STK32A: variants seen among roughly 807,000 people sequenced by gnomAD.
STK32A encodes serine/threonine kinase 32A, also known as serine/threonine-protein kinase 32A.
STK32A carries 41 observed loss-of-function variants against 53.2 expected under a neutral mutation model. The ratio of observed to expected loss-of-function variants is 0.77; its 90% CI spans 0.60 to 1.00. STK32A has a LOEUF of 1.00. STK32A is among the 50% of genes least tolerant of loss of function. The probability of loss-of-function intolerance (pLI) is 0.00; values close to 1 mark genes in which losing one functional copy is unlikely to be tolerated. For missense variants in STK32A, 458 were observed against 485.8 expected (o/e 0.94, Z 0.54); for synonymous variants, 166 against 162.8 (o/e 1.02, Z -0.15).
chr5:147,296,008 A>G (rs948911401), intron 4 of STK32A, among the ~76,000 whole-genome samples: 3 of 152,222 alleles, frequency 2.0e-5, no homozygotes, highest in Non-Finnish European at 4.4e-5. Flanking sequence ...CTCATGACTC[A>G]GCTCTCCCTC....
chr5:147,358,915 T>TA (rs973817470), intron 7 of STK32A, among the ~76,000 whole-genome samples: 4 of 152,156 alleles, frequency 2.6e-5, no homozygotes, highest in Non-Finnish European at 5.9e-5. Flanking sequence ...ATTATTAACA[T>TA]AAAATTTAGC....
intron 5 of STK32A, among the ~76,000 whole-genome samples, chr5:147,339,319 C>A (rs180886432): frequency 6.6e-6 from 1 of 152,312 alleles, no homozygotes; most frequent in East Asian, 1.9e-4. Context: ...TGTGGATGCA[C>A]AGAAGTCAAG....
At chr5:147,355,588 G>A (rs911358777) in intron 7 of STK32A, among the ~76,000 whole-genome samples, 1 of 152,074 alleles carries the variant, frequency 6.6e-6, no homozygotes, top group African/African-American at 2.4e-5. Flanking sequence ...TGAGGCAGGA[G>A]AATGGCGCGA....
chr5:147,401,254 T>C, the STK32A span, among the ~76,000 whole-genome samples: 1 of 152,198 alleles, frequency 6.6e-6, no homozygotes, highest in Non-Finnish European at 1.5e-5. Flanking sequence ...ATAAAGTTGT[T>C]AGGAGAAATA....
intron 4 of STK32A, among the ~76,000 whole-genome samples, chr5:147,308,253 T>C (rs76130498): frequency 0.029 from 4,350 of 152,070 alleles, 207 homozygotes; most frequent in African/African-American, 0.099. Context: ...TAGTTTTTCA[T>C]GTAGAGGTCT....
At chr5:147,362,624 C>T (rs1233980240) in intron 8 of STK32A, among the ~76,000 whole-genome samples, 1 of 152,180 alleles carries the variant, frequency 6.6e-6, no homozygotes, top group Admixed American at 6.5e-5. Context: ...TTCTCATATG[C>T]AAAATACATA....
At chr5:147,304,967 T>A (rs1426360951) in intron 4 of STK32A, among the ~76,000 whole-genome samples, 1 of 151,980 alleles carries the variant, frequency 6.6e-6, no homozygotes, top group African/African-American at 2.4e-5. Flanking sequence ...AATAAAATAA[T>A]TAGCTGAGTA....
intron 2 of STK32A, among the ~76,000 whole-genome samples, chr5:147,249,058 G>A (rs576459927): frequency 2.0e-5 from 3 of 152,070 alleles, no homozygotes; most frequent in Admixed American, 1.3e-4. Context: ...TAGCAACTAC[G>A]ACAAAGCTTT....
chr5:147,348,829 A>G (rs1004900630), intron 6 of STK32A: 89 of 710,380 alleles, frequency 1.3e-4, no homozygotes, highest in South Asian at 1.6e-4. Flanking sequence ...CTTCTTGCCA[A>G]ATGCTGTGCT....
the STK32A span, among the ~76,000 whole-genome samples, chr5:147,394,682 C>CAA: frequency 1.1e-4 from 16 of 144,656 alleles, no homozygotes; most frequent in Admixed American, 3.4e-4. Flanking sequence ...ACAACAACAA[C>CAA]AAAAAAAAAA....
rs973918550 is a variant in STK32A at position 147,260,211 on chromosome 5, T to C, written c.53-17913T>C. 1.2e-3 allele frequency among the ~76,000 whole-genome samples: 67 copies of C among 54,422 alleles called. 1 individual carries two copies. Among genetic ancestry groups the C allele is most frequent in the African/African-American group, 5.5e-3 (64 of 11,568 alleles). The allele number at this position is 54,422 out of a possible 152,430, so 35.7% of individuals were successfully genotyped here. ...CTCTCCTCTCTCTCTCCTCTCTCTC[T>C]CCTCTCTCTCTCTCTCCTCTCTGTC... is the stretch of plus-strand genomic sequence containing the variant. On this transcript the variant is annotated intron_variant, in intron 2 of 12. Coordinates refer to ENST00000397936, the MANE Select transcript of STK32A (RefSeq NM_001112724.2).
intron 4 of STK32A, among the ~76,000 whole-genome samples, chr5:147,294,916 C>A (rs967559673): frequency 1.3e-5 from 2 of 152,118 alleles, no homozygotes; most frequent in South Asian, 4.1e-4. Context: ...ATCTCCTGAC[C>A]GCATGATCTG....
chr5:147,269,402 G>C (rs1268188460), intron 2 of STK32A, among the ~76,000 whole-genome samples: 1 of 152,124 alleles, frequency 6.6e-6, no homozygotes, highest in African/African-American at 2.4e-5. Context: ...GTCTTGGAAA[G>C]CCTCTACTGC....
rs187436789 is a variant in STK32A, at chr5:147,242,792, C to A, written c.52+3106C>A. Among the ~76,000 whole-genome samples the A allele has an allele frequency of 3.9e-5, 6 of 152,230 alleles. No homozygotes were observed. In the East Asian group the frequency reaches 1.2e-3, roughly 29 times the overall value. On this transcript the variant is annotated intron_variant, in intron 2 of 12. Coordinates refer to ENST00000397936, the MANE Select transcript of STK32A (RefSeq NM_001112724.2). Reference sequence around the variant, plus strand: ...ATTGATTTGAGGAGAAAAAGTATGCCATTCTAGGGAATTTACTTTGCTTTA... The same window carrying A: ...ATTGATTTGAGGAGAAAAAGTATGCAATTCTAGGGAATTTACTTTGCTTTA...
chr5:147,305,862 A>G (rs1753380376), intron 4 of STK32A, among the ~76,000 whole-genome samples: 1 of 151,858 alleles, frequency 6.6e-6, no homozygotes, highest in Admixed American at 6.6e-5. Context: ...GGCAAACTCC[A>G]AAATATGTGT....
At chr5:147,361,148 T>C (rs1756485744) in intron 7 of STK32A, among the ~76,000 whole-genome samples, 1 of 152,212 alleles carries the variant, frequency 6.6e-6, no homozygotes, top group Admixed American at 6.5e-5. Context: ...GAAATTTAGA[T>C]CCTTTAGTTG....
intron 6 of STK32A, among the ~76,000 whole-genome samples, chr5:147,346,363 C>G (rs1318204771): frequency 1.3e-5 from 2 of 152,196 alleles, no homozygotes; most frequent in Non-Finnish European, 2.9e-5. Flanking sequence ...CTGGTGCCCC[C>G]TATGCGCATC....
intron 7 of STK32A, among the ~76,000 whole-genome samples, chr5:147,352,978 G>A (rs529403258): frequency 2.0e-5 from 3 of 152,276 alleles, no homozygotes; most frequent in South Asian, 4.1e-4. Context: ...TCCCAATAGA[G>A]CTCAACATAT....
chr5:147,401,069 A>T, the STK32A span, among the ~76,000 whole-genome samples: 1 of 152,202 alleles, frequency 6.6e-6, no homozygotes, highest in African/African-American at 2.4e-5. Context: ...AGCAAAATAA[A>T]ATGTACTCAA....
Sources: allele counts gnomAD v4.1 joint callset (sites outside exome capture counted in the v4.1 genomes callset), GRCh38; gene constraint gnomAD v4.1.1; transcripts MANE v1.5; gene names NCBI Gene and HGNC (gene_info 2026-07-23, HGNC 2026-07-21).